Variants in DNALI1 observed in about 807,000 individuals in gnomAD.
The protein encoded by DNALI1 is dynein axonemal light intermediate chain 1.
DNALI1 carries 31 observed loss-of-function variants against 33.9 expected under a neutral mutation model. The observed-to-expected ratio is 0.91, with a 90% CI of 0.69 to 1.23. The LOEUF is 1.23. Ranked by LOEUF, DNALI1 falls within the 50% of genes most tolerant of loss-of-function variation. The probability of loss-of-function intolerance (pLI) is 0.00; values close to 1 mark genes in which losing one functional copy is unlikely to be tolerated. For synonymous variants in DNALI1, 117 were observed against 129.2 expected, an observed-to-expected ratio of 0.91 and a Z score of 0.64; for missense variants, 305 against 323.8, an observed-to-expected ratio of 0.94 and a Z score of 0.44.
intron 5 of DNALI1, among the ~76,000 whole-genome samples, chr1:37,564,496 C>T (rs896162815): frequency 1.3e-5 from 2 of 152,048 alleles, no homozygotes; most frequent in Non-Finnish European, 2.9e-5. Context: ...TATTCTCCTG[C>T]CTCAGCCTCT....
At position 37,562,505 on chromosome 1, in the gene DNALI1, A is replaced by G. The variant is rs565558465; in HGVS notation, c.741+260A>G. 1.1e-4 allele frequency among the ~76,000 whole-genome samples: 17 copies of G among 152,096 alleles called. No individual in the cohort carries two copies. The highest frequency in any genetic ancestry group is 3.9e-4 in the African/African-American group (16 of 41,496). ...CCCTGGAAAAAAGTTGCCCATCCTCAAGGAAGAGGTGGATATGGCAAAAAG... is the reference window on the plus strand; with the variant it reads ...CCCTGGAAAAAAGTTGCCCATCCTCGAGGAAGAGGTGGATATGGCAAAAAG... On this transcript the variant is annotated intron_variant, in intron 5 of 5. Transcript: ENST00000652629. The surrounding 1 kb of genome is among the most constrained non-coding windows in gnomAD (Gnocchi z 5.8).
chr1:37,557,103 G>C, intron 1 of DNALI1, 28 bp downstream of exon 1: 1 of 1,613,928 alleles, frequency 6.2e-7, no homozygotes, highest in South Asian at 1.1e-5. Flanking sequence ...GGAGACAAAG[G>C]AGCCTCGAAA....
Position 37,557,739 on chromosome 1 carries a change from T to C in DNALI1, c.218T>C (p.Leu73Pro). The C allele has an allele frequency of 6.2e-7, 1 of 1,613,660 alleles. No homozygotes were observed. Among genetic ancestry groups the C allele is most frequent in the South Asian group, 1.1e-5 (1 of 90,982 alleles). ...KQAEEILNAI[L>P]PPREWVEDTQ... ...GCAGAAGAAATCTTGAATGCCATAC[T>C]ACCCCCAAGGTAAGAAAGTAGGAGC... The change falls in exon 2 of 6, where the codon CTA (leucine) becomes CCA (proline). Residue 73 changes from leucine to proline, a missense_variant. Physicochemically the swap from Leu to Pro is moderately conservative, Grantham distance 98. Transcript: ENST00000652629.
Position 37,557,623 on chromosome 1 carries a change from C to T in DNALI1, c.102C>T (p.Ser34=). ...RSPKARLLKV[S]PQQPGPSGSA... The stretch of plus-strand genomic sequence containing the variant: ...CTCAGGCTCGGCTACTGAAAGTCAG[C>T]CCCCAGCAGCCTGGACCTTCAGGTT... Residue 34 remains serine (S), a synonymous_variant, in exon 2 of 6, where the codon AGC becomes AGT. Coordinates refer to ENST00000652629, the MANE Select transcript of DNALI1 (RefSeq NM_003462.5). 1.9e-6 allele frequency: 3 copies of T among 1,612,838 alleles called. No individual in the cohort carries two copies. The highest frequency in any genetic ancestry group is 2.5e-6 in the Non-Finnish European group (3 of 1,179,494).
rs1040984942 is a variant in DNALI1, at chr1:37,562,330, G to A, written c.741+85G>A. On this transcript the variant is annotated intron_variant, in intron 5 of 5. Transcript: ENST00000652629. This position sits in a 1 kb window ranked among gnomAD's most constrained non-coding sequence, Gnocchi z 5.8. ...CCAGGCATTCGGTTCCTTTTCCATGGCTTTTAAATGTTTGTCCACATGCAC... is the reference window on the plus strand; with the variant it reads ...CCAGGCATTCGGTTCCTTTTCCATGACTTTTAAATGTTTGTCCACATGCAC... 2.0e-6 allele frequency: 3 copies of A among 1,496,824 alleles called. No homozygotes were observed. Among genetic ancestry groups the A allele is most frequent in the Non-Finnish European group, 2.7e-6 (3 of 1,116,134 alleles). 92.7% of individuals were successfully genotyped at this position (1,496,824 alleles called of 1,614,324 possible). A position where few individuals can be genotyped will look rare whatever the true frequency, so the allele number is the denominator to read the frequency against.
chr1:37,562,288 C>T lies in DNALI1; in HGVS notation c.741+43C>T, dbSNP rs763916437. ...TGGGGTGGAGGTGCCCCCTGCCCTG[C>T]GACCCAGCCCCACAGGCCAGGCATT... On this transcript the variant is annotated intron_variant, in intron 5 of 5. Coordinates refer to ENST00000652629, the MANE Select transcript of DNALI1 (RefSeq NM_003462.5). This position sits in a 1 kb window ranked among gnomAD's most constrained non-coding sequence, Gnocchi z 5.8. 10 of 1,583,828 alleles carry T rather than the reference C, an allele frequency of 6.3e-6. 1 individual carries two copies. The highest frequency in any genetic ancestry group is 3.4e-5 in the South Asian group (3 of 88,296).
At chr1:37,563,101 T>C (rs1387164157) in intron 5 of DNALI1, among the ~76,000 whole-genome samples, 1 of 152,250 alleles carries the variant, frequency 6.6e-6, no homozygotes, top group African/African-American at 2.4e-5. Context: ...CCTTCTCCCA[T>C]GGCCCTGGCC....
chr1:37,557,883 C>T, intron 2 of DNALI1, 135 bp downstream of exon 2: 1 of 1,252,188 alleles, frequency 8.0e-7, no homozygotes, highest in South Asian at 1.4e-5. Flanking sequence ...CTAGAACTTA[C>T]ATATGGCTGG....
Position 37,562,272 on chromosome 1 carries a change from G to A in DNALI1, c.741+27G>A, listed in dbSNP as rs773976202. On this transcript the variant is annotated intron_variant, in intron 5 of 5. Coordinates refer to ENST00000652629, the MANE Select transcript of DNALI1 (RefSeq NM_003462.5). The surrounding 1 kb of genome is among the most constrained non-coding windows in gnomAD (Gnocchi z 5.8). ...TAATCAACGCGCAGGGTGGGGTGGA[G>A]GTGCCCCCTGCCCTGCGACCCAGCC... is the stretch of plus-strand genomic sequence containing the variant. The A allele has an allele frequency of 2.0e-5, 32 of 1,600,944 alleles. No homozygotes were observed. In the Middle Eastern group the frequency reaches 6.0e-4, roughly 30 times the overall value.
At chr1:37,558,434 T>C (rs2148121422) in intron 2 of DNALI1, among the ~76,000 whole-genome samples, 2 of 152,318 alleles carry the variant, frequency 1.3e-5, no homozygotes, top group Non-Finnish European at 2.9e-5. Flanking sequence ...ATCATGCCAG[T>C]CTCTGCCAGA....
chr1:37,560,988 G>A (rs1033889493), intron 3 of DNALI1: 1 of 152,602 alleles, frequency 6.6e-6, no homozygotes, highest in Non-Finnish European at 1.5e-5. Context: ...AGTCTCATTG[G>A]CTCTTATGGA....
chr1:37,561,391 G>A lies in DNALI1; in HGVS notation c.398-166G>A. On this transcript the variant is annotated intron_variant, in intron 3 of 5. Coordinates refer to ENST00000652629, the MANE Select transcript of DNALI1 (RefSeq NM_003462.5). This position sits in a 1 kb window ranked among gnomAD's most constrained non-coding sequence, Gnocchi z 4.6. Reference sequence around the variant, plus strand: ...AGTGACTGCATGGCAAGGCTCTTTGGGCCACTGAAGGCACCCTCCCTGAGG... The same window carrying A: ...AGTGACTGCATGGCAAGGCTCTTTGAGCCACTGAAGGCACCCTCCCTGAGG... The A allele has an allele frequency of 1.3e-6, 1 of 775,270 alleles. No individual in the cohort carries two copies. Among genetic ancestry groups the A allele is most frequent in the East Asian group, 2.7e-5 (1 of 36,796 alleles). 48.0% of individuals were successfully genotyped at this position (775,270 alleles called of 1,614,324 possible).
In DNALI1 at chr1:37,565,434, G is replaced by C. The variant is rs1406979950; in HGVS notation, c.*373G>C. 3 of 188,424 alleles carry C rather than the reference G, an allele frequency of 1.6e-5. No individual in the cohort carries two copies. Among genetic ancestry groups the C allele is most frequent in the African/African-American group, 7.0e-5 (3 of 42,766 alleles). The allele number at this position is 188,424 out of a possible 1,614,324, so 11.7% of individuals were successfully genotyped here. A position where few individuals can be genotyped will look rare whatever the true frequency, so the allele number is the denominator to read the frequency against. On this transcript the variant is annotated 3_prime_UTR_variant, in exon 6 of 6. Transcript: ENST00000652629. ...TCTGGCCAAATGAATCTGCTTCTCTGCCCCTCAAACTTTTAGTTCACAATT... is the reference window on the plus strand; with the variant it reads ...TCTGGCCAAATGAATCTGCTTCTCTCCCCCTCAAACTTTTAGTTCACAATT...
chr1:37,557,951 T>C, intron 2 of DNALI1: 1 of 636,502 alleles, frequency 1.6e-6, no homozygotes, highest in East Asian at 3.1e-5. Flanking sequence ...CTGCATGCTG[T>C]CACCCAATCT....
At chr1:37,563,754 G>A (rs1364607213) in intron 5 of DNALI1, among the ~76,000 whole-genome samples, 1 of 152,042 alleles carries the variant, frequency 6.6e-6, no homozygotes, top group African/African-American at 2.4e-5. Context: ...GCCTCCCAAA[G>A]TGCTGGAATT....
intron 2 of DNALI1, among the ~76,000 whole-genome samples, chr1:37,558,810 C>G (rs1643402221): frequency 6.6e-6 from 1 of 152,206 alleles, no homozygotes; most frequent in African/African-American, 2.4e-5. Flanking sequence ...AAAGGACATG[C>G]CTTTTCATCT....
At chr1:37,557,948 C>A in intron 2 of DNALI1, 200 bp downstream of exon 2, 1 of 657,944 alleles carries the variant, frequency 1.5e-6, no homozygotes. Flanking sequence ...TTCCTGCATG[C>A]TGTCACCCAA....
chr1:37,566,636 T>TA lies in DNALI1; in HGVS notation c.*1576dup. ...ATGACAGGGTGACTGTGGAACCTCT[T>TA]AGTTCATCCAAAGTCTACCTGAAGT... On this transcript the variant is annotated 3_prime_UTR_variant, in exon 6 of 6. Coordinates refer to ENST00000652629, the MANE Select transcript of DNALI1 (RefSeq NM_003462.5). 1.9e-6 allele frequency: 1 copy of TA among 539,674 alleles called. No homozygotes were observed. Among genetic ancestry groups the TA allele is most frequent in the Non-Finnish European group, 3.3e-6 (1 of 306,800 alleles). 33.4% of individuals were successfully genotyped at this position (539,674 alleles called of 1,614,324 possible).
intron 5 of DNALI1, 49 bp from the exon 6 acceptor site, chr1:37,564,977 A>G: frequency 6.2e-7 from 1 of 1,601,242 alleles, no homozygotes; most frequent in Non-Finnish European, 8.6e-7. Flanking sequence ...AGCTATTTGT[A>G]TCAGGCTGCA....
Sources: gnomAD v4.1 joint callset for allele counts (sites outside exome capture counted in the v4.1 genomes callset) on GRCh38, gnomAD v4.1.1 for gene constraint, Gnocchi (gnomAD v3.1) non-coding constraint, MANE v1.5 for transcripts, NCBI Gene and HGNC (gene_info 2026-07-23, HGNC 2026-07-21) for gene names.